The following FANCG variants were observed in gnomAD, a reference collection of about 807,000 sequenced individuals.
FANCG encodes the protein Fanconi anemia group G protein.
In FANCG, 67 loss-of-function variants were observed where a neutral mutation model predicts 73.3. That is an observed-to-expected ratio of 0.91 (90% CI 0.75 to 1.12). FANCG has a LOEUF of 1.12. Ranked by LOEUF, FANCG falls within the 50% of genes most tolerant of loss-of-function variation. The probability of loss-of-function intolerance (pLI) is 0.00; values close to 1 mark genes in which losing one functional copy is unlikely to be tolerated. For missense variants in FANCG, 643 were observed against 735.6 expected, an observed-to-expected ratio of 0.87 and a Z score of 1.46; for synonymous variants, 297 against 311.6, an observed-to-expected ratio of 0.95 and a Z score of 0.49.
rs1829053732 is a variant in FANCG at position 35,074,912 on chromosome 9, T to C, written c.1636+15A>G. ...GCACATCTATGCATAGCCGACGTCA[T>C]GCAAGTATACATACCTGGGCACATC... On this transcript the variant is annotated intron_variant, in intron 12 of 13. Coordinates refer to ENST00000378643, the MANE Select transcript of FANCG (RefSeq NM_004629.2). 8 of 1,614,180 alleles carry C rather than the reference T, an allele frequency of 5.0e-6. No individual in the cohort carries two copies. The highest frequency in any genetic ancestry group is 1.7e-5 in the Admixed American group (1 of 60,018).
chr9:35,074,694 G>A, intron 12 of FANCG, 200 bp from the exon 13 acceptor site: 1 of 863,056 alleles, frequency 1.2e-6, no homozygotes, highest in East Asian at 2.6e-5. Flanking sequence ...CACAACAGCA[G>A]AGTCATGGTC....
At position 35,075,791 on chromosome 9, in the gene FANCG, T is replaced by C. The variant is rs761613222; in HGVS notation, c.1144-37A>G. On this transcript the variant is annotated intron_variant, in intron 9 of 13. Transcript: ENST00000378643. Reference sequence around the variant, plus strand: ...AGAAGAAGCAGTGTCTTGAAAGGCATGAGCCACCATCCCCAACCTCTTCAC... The same window carrying C: ...AGAAGAAGCAGTGTCTTGAAAGGCACGAGCCACCATCCCCAACCTCTTCAC... The C allele has an allele frequency of 2.5e-6, 4 of 1,580,710 alleles. No homozygotes were observed. The African/African-American group carries it at 5.4e-5, about 21-fold the overall frequency.
chr9:35,074,013 A>C lies in FANCG; in HGVS notation c.*95T>G. The C allele has an allele frequency of 1.1e-6, 1 of 939,670 alleles. No individual in the cohort carries two copies. Among genetic ancestry groups the C allele is most frequent in the South Asian group, 1.3e-5 (1 of 76,886 alleles). The allele number at this position is 939,670 out of a possible 1,614,324, so 58.2% of individuals were successfully genotyped here. On this transcript the variant is annotated 3_prime_UTR_variant, in exon 14 of 14. Transcript: ENST00000378643. ...CTCACCAGTCCAGGAATTATATAGG[A>C]ATGGTCACATTCCTAATGATGGTGA...
chr9:35,074,683 C>A, intron 12 of FANCG, 189 bp from the exon 13 acceptor site: 2 of 892,624 alleles, frequency 2.2e-6, no homozygotes, highest in Admixed American at 2.0e-5. Context: ...CCTGTGCAAC[C>A]CACAACAGCA....
rs1488514693 is a variant in FANCG at position 35,076,497 on chromosome 9, G to A, written c.1011C>T (p.Pro337=). Residue 337 remains proline, a synonymous_variant, in exon 8 of 14, where the codon CCC becomes CCT. Coordinates refer to ENST00000378643, the MANE Select transcript of FANCG (RefSeq NM_004629.2). ...TCTGGCTCTGAGTGCCACAATGAAG[G>A]GGTGAGGCTAGGTCAGGTGGTGGCA... ...LLLPPPDLAS[P]LHCGTQSQTK... 6.2e-7 allele frequency: 1 copy of A among 1,614,194 alleles called. No homozygotes were observed. The highest frequency in any genetic ancestry group is 1.7e-5 in the Admixed American group (1 of 60,032).
rs764465471 is a variant in FANCG, at chr9:35,076,491, A to T, written c.1017T>A (p.His339Gln). The change falls in exon 8 of 14, where the codon CAT (histidine) becomes CAA (glutamine). Residue 339 changes from histidine (H) to glutamine (Q), a missense_variant. Transcript: ENST00000378643. ...LPPPDLASPLHCGTQSQTKHI... is the reference protein window; with the variant it reads ...LPPPDLASPLQCGTQSQTKHI... Reference sequence around the variant, plus strand: ...GCTTGGTCTGGCTCTGAGTGCCACAATGAAGGGGTGAGGCTAGGTCAGGTG... The same window carrying T: ...GCTTGGTCTGGCTCTGAGTGCCACATTGAAGGGGTGAGGCTAGGTCAGGTG... 6.2e-7 allele frequency: 1 copy of T among 1,614,140 alleles called. No homozygotes were observed. Among genetic ancestry groups the T allele is most frequent in the East Asian group, 2.2e-5 (1 of 44,880 alleles).
At chr9:35,078,891 C>T (rs1829133374) in intron 2 of FANCG, among the ~76,000 whole-genome samples, 155 bp from the exon 3 acceptor site, 3 of 152,184 alleles carry the variant, frequency 2.0e-5, no homozygotes, top group Non-Finnish European at 4.4e-5. Context: ...AAGAACCCAA[C>T]CTTTGGACAG....
At chr9:35,077,427 C>A in intron 4 of FANCG, 28 bp from the exon 5 acceptor site, 1 of 1,613,932 alleles carries the variant, frequency 6.2e-7, no homozygotes, top group Non-Finnish European at 8.5e-7. Flanking sequence ...ACCAGAAGCT[C>A]CAAGCCTACA....
rs1829121757 is a variant in FANCG at position 35,078,227 on chromosome 9, G to A, written c.424C>T (p.Leu142=). 1 of 1,614,064 alleles carries A rather than the reference G, an allele frequency of 6.2e-7. No homozygotes were observed. The highest frequency in any genetic ancestry group is 1.7e-5 in the Admixed American group (1 of 60,012). The change falls in exon 4 of 14, where the codon CTG becomes TTG. Residue 142 remains leucine (L), a synonymous_variant. Coordinates refer to ENST00000378643, the MANE Select transcript of FANCG (RefSeq NM_004629.2). ...LPELLSALHR[L]VGLQAALWLS... is the part of the protein sequence containing the mutation. ...CAGAGGGCAGCCTGCAGGCCAACCAGGCGGTGCAGGGCAGACAGCAGCTCC... is the reference window on the plus strand; with the variant it reads ...CAGAGGGCAGCCTGCAGGCCAACCAAGCGGTGCAGGGCAGACAGCAGCTCC...
In FANCG at chr9:35,078,326, G is replaced by T. The variant is rs1248625350; in HGVS notation, c.325C>A (p.Gln109Lys). ...CCCTGTTCCAACCTGGGCCCCTGCT[G>T]CTCCTGTGTCTCCAGCACTGTAGAG... The part of the protein sequence containing the change: ...SLERVLETQE[Q>K]QGPRLEQGLR... The change falls in exon 4 of 14, where the codon CAG becomes AAG. Residue 109 changes from glutamine to lysine, a missense_variant. Transcript: ENST00000378643. 1.2e-6 allele frequency: 2 copies of T among 1,613,566 alleles called. No individual in the cohort carries two copies. The highest frequency in any genetic ancestry group is 1.7e-5 in the Admixed American group (1 of 60,014).
intron 3 of FANCG, 67 bp from the exon 4 acceptor site, chr9:35,078,410 C>T: frequency 1.3e-6 from 2 of 1,560,684 alleles, no homozygotes; most frequent in East Asian, 2.3e-5. Flanking sequence ...TCCATCTCCC[C>T]ACACACTCTG....
chr9:35,078,572 G>T (rs745918849), intron 3 of FANCG, 33 bp downstream of exon 3: 1 of 1,614,042 alleles, frequency 6.2e-7, no homozygotes, highest in South Asian at 1.1e-5. Context: ...ACTGAAGATG[G>T]CAGGGGAATC....
chr9:35,076,345 C>T (rs1245555369), intron 8 of FANCG, 87 bp downstream of exon 8: 11 of 1,526,634 alleles, frequency 7.2e-6, no homozygotes, highest in African/African-American at 1.4e-5. Flanking sequence ...ATTCATCCCC[C>T]AAGTCACAAG....
chr9:35,076,654 T>C, intron 7 of FANCG, 70 bp downstream of exon 7: 2 of 1,613,718 alleles, frequency 1.2e-6, no homozygotes, highest in South Asian at 2.2e-5. Flanking sequence ...GGATCTTGAC[T>C]AGTCAAGTCA....
chr9:35,074,025 C>G lies in FANCG; in HGVS notation c.*83G>C. The stretch of plus-strand genomic sequence containing the variant: ...GGAATTATATAGGAATGGTCACATT[C>G]CTAATGATGGTGAAGCAGAAAGCCC... On this transcript the variant is annotated 3_prime_UTR_variant, in exon 14 of 14. Transcript: ENST00000378643. 9.8e-7 allele frequency: 1 copy of G among 1,019,008 alleles called. No individual in the cohort carries two copies. The highest frequency in any genetic ancestry group is 1.3e-5 in the South Asian group (1 of 78,948). 63.1% of individuals were successfully genotyped at this position (1,019,008 alleles called of 1,614,324 possible).
At chr9:35,074,781 G>T in intron 12 of FANCG, 146 bp downstream of exon 12, 1 of 1,064,990 alleles carries the variant, frequency 9.4e-7, no homozygotes. Flanking sequence ...TTGAACACCT[G>T]GATATATCCC....
chr9:35,077,043 C>T lies in FANCG; in HGVS notation c.705G>A (p.Ala235=), dbSNP rs148910563. The T allele has an allele frequency of 4.6e-5, 74 of 1,614,156 alleles. 1 individual carries two copies. The East Asian group carries it at 4.9e-4, about 11-fold the overall frequency. ...CAGGCCGTGGACACAGGCCTGAGGCCGCTTCATGAAGGCTGCTTAGTGCCT... is the reference window on the plus strand; with the variant it reads ...CAGGCCGTGGACACAGGCCTGAGGCTGCTTCATGAAGGCTGCTTAGTGCCT... The part of the protein sequence containing the change: ...PDKALSSLHE[A]ASGLCPRPVL... Residue 235 remains alanine, a synonymous_variant, in exon 6 of 14, where the codon GCG becomes GCA. Coordinates refer to ENST00000378643, the MANE Select transcript of FANCG (RefSeq NM_004629.2).
chr9:35,079,835 A>C lies in FANCG; in HGVS notation c.-311T>G. The C allele has an allele frequency of 2.1e-6, 1 of 477,180 alleles. No homozygotes were observed. The highest frequency in any genetic ancestry group is 3.9e-6 in the Non-Finnish European group (1 of 257,020). 29.6% of individuals were successfully genotyped at this position (477,180 alleles called of 1,614,324 possible). A position where few individuals can be genotyped will look rare whatever the true frequency, so the allele number is the denominator to read the frequency against. ...GGGGAGGAAACGAGTCAGCAACCCC[A>C]AACAGGCTTAGGCGGGCTAGAAGCC... On this transcript the variant is annotated 5_prime_UTR_variant, in exon 1 of 14. Coordinates refer to ENST00000378643, the MANE Select transcript of FANCG (RefSeq NM_004629.2).
In FANCG at chr9:35,078,295, C is replaced by CT; in HGVS notation, c.355dup (p.Arg119LysfsTer36). Reference sequence around the variant, plus strand: ...ACGAAGGACAGAGTCCCACAGCTCCCTGAGCCCCTGTTCCAACCTGGGCCC... The same window carrying CT: ...ACGAAGGACAGAGTCCCACAGCTCCCTTGAGCCCCTGTTCCAACCTGGGCCC... On this transcript the variant is annotated frameshift_variant, in exon 4 of 14. Coordinates refer to ENST00000378643, the MANE Select transcript of FANCG (RefSeq NM_004629.2). LOFTEE classifies it high-confidence loss of function. The CT allele has an allele frequency of 6.2e-7, 1 of 1,614,054 alleles. No individual in the cohort carries two copies. The highest frequency in any genetic ancestry group is 1.1e-5 in the South Asian group (1 of 91,084).
Sources: gnomAD v4.1 joint callset for allele counts (sites outside exome capture counted in the v4.1 genomes callset) on GRCh38, gnomAD v4.1.1 for gene constraint, MANE v1.5 for transcripts, NCBI Gene and HGNC (gene_info 2026-07-23, HGNC 2026-07-21) for gene names.